The following USP33 variants were observed in gnomAD, a reference collection of about 807,000 sequenced individuals.
The protein encoded by USP33 is ubiquitin carboxyl-terminal hydrolase 33.
In USP33, 46 loss-of-function variants were observed where a neutral mutation model predicts 124.2. The observed-to-expected ratio is 0.37, with a 90% CI of 0.29 to 0.47. The LOEUF is 0.47. Among genes scored for constraint, USP33 ranks in the 20% least tolerant of loss-of-function variants. USP33 has a pLI of 0.99. For missense variants in USP33, 851 were observed against 1,070.6 expected, an observed-to-expected ratio of 0.79 and a Z score of 2.86; for synonymous variants, 350 against 352.3, an observed-to-expected ratio of 0.99 and a Z score of 0.07.
chr1:77,741,316 T>C (rs1679092110), intron 3 of USP33, 60 bp downstream of exon 3: 1 of 1,511,872 alleles, frequency 6.6e-7, no homozygotes, highest in Non-Finnish European at 8.9e-7. Context: ...TGGTTATGAT[T>C]ATTCAGATCC....
At chr1:77,701,121 T>C (rs1673967992) in intron 22 of USP33, among the ~76,000 whole-genome samples, 1 of 152,220 alleles carries the variant, frequency 6.6e-6, no homozygotes, top group South Asian at 2.1e-4. Context: ...ATTTCTAAAA[T>C]TTTTTCAACA....
intron 5 of USP33, among the ~76,000 whole-genome samples, chr1:77,736,405 A>T (rs1194732415): frequency 6.6e-6 from 1 of 152,188 alleles, no homozygotes; most frequent in Non-Finnish European, 1.5e-5. Flanking sequence ...GGCACTTTTT[A>T]CAACCGAATT....
intron 21 of USP33, among the ~76,000 whole-genome samples, chr1:77,706,426 T>C (rs565589266): frequency 6.6e-6 from 1 of 152,342 alleles, no homozygotes; most frequent in East Asian, 1.9e-4. Flanking sequence ...ATATACATAG[T>C]CTGGATATGA....
chr1:77,715,629 G>T, intron 18 of USP33, 113 bp downstream of exon 18: 1 of 1,230,340 alleles, frequency 8.1e-7, no homozygotes, highest in East Asian at 2.4e-5. Flanking sequence ...TAATGAAATA[G>T]GAGGAAAACA....
chr1:77,756,903 T>C (rs1176665772), intron 1 of USP33, among the ~76,000 whole-genome samples: 3 of 152,244 alleles, frequency 2.0e-5, no homozygotes, highest in Non-Finnish European at 4.4e-5. Context: ...CTCAATCTTC[T>C]AACAGTTACA....
At chr1:77,750,626 A>G (rs112668391) in intron 1 of USP33, among the ~76,000 whole-genome samples, 974 of 36,294 alleles carry the variant, frequency 0.027, 7 homozygotes, top group Middle Eastern at 0.061. Context: ...TGACTTAAAA[A>G]AGAAAGAAAG....
Position 77,711,823 on chromosome 1 carries a change from T to C in USP33, c.2330A>G (p.Tyr777Cys), listed in dbSNP as rs1675294211. ...CTCAATTTGGCAAGTATGACAAATGTACAGATGGTTGACAGCTGGTCCTCC... is the reference window on the plus strand; with the variant it reads ...CTCAATTTGGCAAGTATGACAAATGCACAGATGGTTGACAGCTGGTCCTCC... The part of the protein sequence containing the change: ...YGGGPAVNHL[Y>C]ICHTCQIEAE... The change falls in exon 21 of 24, where the codon TAC becomes TGC. Residue 777 changes from tyrosine to cysteine, a missense_variant. This residue lies in a region of USP33 where 281 missense variants were observed against 425.0 expected (regional missense o/e 0.66). Coordinates refer to ENST00000370794, the MANE Select transcript of USP33 (RefSeq NM_201624.3). The C allele has an allele frequency of 6.2e-7, 1 of 1,608,458 alleles. No individual in the cohort carries two copies. Among genetic ancestry groups the C allele is most frequent in the African/African-American group, 1.3e-5 (1 of 74,436 alleles).
rs770348133 is a variant in USP33, at chr1:77,736,086, C to T, written c.424G>A (p.Ala142Thr). 2.5e-6 allele frequency: 4 copies of T among 1,612,168 alleles called. No homozygotes were observed. The highest frequency in any genetic ancestry group is 3.3e-5 in the Admixed American group (2 of 59,846). ...GCCCTAAGTTCATCTTCTTCATCCG[C>T]TTCTATATCCAGATCATCAAATACG... ...VAVFDDLDIE[A>T]DEEDELRARG... The change falls in exon 6 of 24, where the codon GCG (alanine) becomes ACG (threonine). Residue 142 changes from alanine to threonine, a missense_variant. Transcript: ENST00000370794.
At chr1:77,722,586 T>C (rs1676693108) in intron 12 of USP33, among the ~76,000 whole-genome samples, 1 of 152,146 alleles carries the variant, frequency 6.6e-6, no homozygotes, top group Admixed American at 6.6e-5. Context: ...TTTAAAAGGG[T>C]GAGACAAAAT....
In USP33 at chr1:77,704,050, G is replaced by A. The variant is rs115276011; in HGVS notation, c.2407-2579C>T. On this transcript the variant is annotated intron_variant, in intron 21 of 23. Transcript: ENST00000370794. ...GGATCTCTTGAGCGTGGGAGATCGA[G>A]GCTGCAGAAAGCTGTGATCATGCCA... 7.1e-3 allele frequency among the ~76,000 whole-genome samples: 1,073 copies of A among 152,042 alleles called. 15 individuals are homozygous for A. Among genetic ancestry groups the A allele is most frequent in the African/African-American group, 0.024 (1,000 of 41,470 alleles).
Position 77,721,835 on chromosome 1 carries a change from T to C in USP33, c.1653A>G (p.Leu551=). The change falls in exon 14 of 24, where the codon CTA becomes CTG. Residue 551 remains leucine (L), a synonymous_variant. Transcript: ENST00000370794. ...CLAAFFARDE[L]KGDNMYSCEK... ...CATAGATATTATATTTCTTACCTTT[T>C]AGTTCATCTCTGGCAAAGAAGGCAG... 6.2e-7 allele frequency: 1 copy of C among 1,606,374 alleles called. No individual in the cohort carries two copies. The highest frequency in any genetic ancestry group is 8.5e-7 in the Non-Finnish European group (1 of 1,178,108).
intron 6 of USP33, 58 bp downstream of exon 6, chr1:77,735,998 G>T: frequency 2.4e-6 from 3 of 1,248,352 alleles, no homozygotes; most frequent in South Asian, 3.4e-5. Context: ...TACATTATAT[G>T]GTTTTCTAAA....
chr1:77,739,228 T>C (rs1476144815), intron 5 of USP33, 37 bp downstream of exon 5: 7 of 1,569,202 alleles, frequency 4.5e-6, no homozygotes, highest in East Asian at 2.3e-5. Flanking sequence ...ATTACCGGAA[T>C]GTTTTACAGC....
rs1282812879 is a variant in USP33 at position 77,736,089 on chromosome 1, C to A, written c.421G>T (p.Glu141Ter). 6.2e-7 allele frequency: 1 copy of A among 1,613,080 alleles called. No individual in the cohort carries two copies. Among genetic ancestry groups the A allele is most frequent in the Non-Finnish European group, 8.5e-7 (1 of 1,179,506 alleles). The part of the protein sequence containing the change: ...LVAVFDDLDI[E>*]ADEEDELRAR... ...CTAAGTTCATCTTCTTCATCCGCTT[C>A]TATATCCAGATCATCAAATACGGCA... Residue 141 changes from glutamate to a stop codon, truncating the protein, a stop_gained, in exon 6 of 24, where the codon GAA becomes TAA. Coordinates refer to ENST00000370794, the MANE Select transcript of USP33 (RefSeq NM_201624.3). LOFTEE classifies it high-confidence loss of function.
intron 1 of USP33, among the ~76,000 whole-genome samples, chr1:77,743,928 A>G (rs1036596947): frequency 2.0e-5 from 3 of 152,142 alleles, no homozygotes; most frequent in Non-Finnish European, 4.4e-5. Context: ...CAGGAGATCG[A>G]GAACATCCTG....
chr1:77,705,477 G>A (rs1476665190), intron 21 of USP33, among the ~76,000 whole-genome samples: 3 of 152,044 alleles, frequency 2.0e-5, no homozygotes, highest in African/African-American at 4.8e-5. Flanking sequence ...TTACAGGCAT[G>A]AGCCACTGAG....
chr1:77,705,223 C>T (rs1674494268), intron 21 of USP33, among the ~76,000 whole-genome samples: 1 of 149,154 alleles, frequency 6.7e-6, no homozygotes, highest in Non-Finnish European at 1.5e-5. Context: ...GAGACAGAAT[C>T]TCACTCTTTC....
intron 9 of USP33, 70 bp downstream of exon 9, chr1:77,729,790 C>CA (rs983100321): frequency 6.0e-5 from 88 of 1,475,710 alleles, no homozygotes; most frequent in South Asian, 7.0e-5. Flanking sequence ...TAAGTAGACC[C>CA]AAAAAAAACA....
intron 10 of USP33, among the ~76,000 whole-genome samples, chr1:77,726,483 A>G (rs1182118631): frequency 6.6e-6 from 1 of 151,988 alleles, no homozygotes; most frequent in Non-Finnish European, 1.5e-5. Flanking sequence ...CATCTCTACA[A>G]AAAAATCTAA....
Sources: gnomAD v4.1 joint callset for allele counts (sites outside exome capture counted in the v4.1 genomes callset) on GRCh38, gnomAD v4.1.1 for gene constraint, gnomAD v4.1.1 regional missense constraint, MANE v1.5 for transcripts, NCBI Gene and HGNC (gene_info 2026-07-23, HGNC 2026-07-21) for gene names.